Variants in ARHGAP42 observed in about 807,000 individuals in gnomAD.
The protein encoded by ARHGAP42 is Rho GTPase activating protein 42.
A neutral mutation model predicts 125.0 loss-of-function variants in ARHGAP42; 63 were observed. The ratio of observed to expected loss-of-function variants is 0.50; its 90% CI spans 0.41 to 0.62. ARHGAP42 has a LOEUF of 0.62. Ranked by LOEUF, ARHGAP42 falls within the 20% of genes least tolerant of loss-of-function variation. The probability of loss-of-function intolerance (pLI) is 0.00; values close to 1 mark genes in which losing one functional copy is unlikely to be tolerated. For missense variants in ARHGAP42, 766 were observed against 1,024.2 expected, an observed-to-expected ratio of 0.75 and a Z score of 3.44; for synonymous variants, 339 against 351.0, an observed-to-expected ratio of 0.97 and a Z score of 0.38.
At chr11:100,841,055 G>T (rs1320625307) in intron 3 of ARHGAP42, among the ~76,000 whole-genome samples, 1 of 152,088 alleles carries the variant, frequency 6.6e-6, no homozygotes, top group Non-Finnish European at 1.5e-5. Context: ...CATTTGATAG[G>T]TGTGCCATGA....
chr11:100,696,260 G>C (rs1667585871), intron 1 of ARHGAP42, among the ~76,000 whole-genome samples: 1 of 152,104 alleles, frequency 6.6e-6, no homozygotes. Context: ...GTAACACTTT[G>C]TAGATTATTT....
At chr11:100,825,634 T>A (rs1291625572) in intron 3 of ARHGAP42, among the ~76,000 whole-genome samples, 2 of 152,174 alleles carry the variant, frequency 1.3e-5, no homozygotes, top group East Asian at 3.9e-4. Flanking sequence ...GTTGGCTGTA[T>A]GTGCAGTTTT....
At chr11:100,900,858 C>T (rs577253025) in intron 4 of ARHGAP42, among the ~76,000 whole-genome samples, 4 of 152,082 alleles carry the variant, frequency 2.6e-5, no homozygotes, top group Non-Finnish European at 4.4e-5. Flanking sequence ...CAGAGAAGTT[C>T]GTTATTACCG....
At chr11:100,725,958 C>T (rs1330973346) in intron 1 of ARHGAP42, among the ~76,000 whole-genome samples, 1 of 138,450 alleles carries the variant, frequency 7.2e-6, no homozygotes, top group East Asian at 2.2e-4. Flanking sequence ...AAAAGCCAGG[C>T]ATGGTGGTGC....
intron 5 of ARHGAP42, among the ~76,000 whole-genome samples, chr11:100,914,229 C>A (rs900788619): frequency 1.3e-5 from 2 of 152,050 alleles, no homozygotes; most frequent in Non-Finnish European, 2.9e-5. Flanking sequence ...ACCACTGTGC[C>A]CCACCGCTAC....
At chr11:100,811,142 G>A (rs1208947382) in intron 3 of ARHGAP42, among the ~76,000 whole-genome samples, 1 of 152,132 alleles carries the variant, frequency 6.6e-6, no homozygotes, top group Non-Finnish European at 1.5e-5. Context: ...TTTAAGTAGA[G>A]ATGGGGTTTG....
intron 4 of ARHGAP42, among the ~76,000 whole-genome samples, chr11:100,865,725 T>C (rs1396565722): frequency 6.6e-6 from 1 of 152,232 alleles, no homozygotes; most frequent in Non-Finnish European, 1.5e-5. Context: ...AATAGTGTTA[T>C]GTCAACAAAT....
intron 7 of ARHGAP42, among the ~76,000 whole-genome samples, chr11:100,935,170 G>A (rs1867699495): frequency 6.6e-6 from 1 of 151,758 alleles, no homozygotes; most frequent in Admixed American, 6.6e-5. Context: ...AAACTCCTTA[G>A]ATTTAGGTGG....
intron 4 of ARHGAP42, among the ~76,000 whole-genome samples, chr11:100,908,785 A>G (rs371612507): frequency 1.3e-5 from 2 of 152,298 alleles, no homozygotes; most frequent in East Asian, 3.9e-4. Flanking sequence ...GCTAGGTAAA[A>G]CGGTAGCTCT....
intron 4 of ARHGAP42, among the ~76,000 whole-genome samples, chr11:100,888,016 C>G (rs902052428): frequency 6.6e-6 from 1 of 152,156 alleles, no homozygotes; most frequent in Non-Finnish European, 1.5e-5. Context: ...TAAGAATGCT[C>G]TTTGTTACCT....
intron 4 of ARHGAP42, among the ~76,000 whole-genome samples, chr11:100,862,935 G>A (rs1360649817): frequency 6.6e-6 from 1 of 151,604 alleles, no homozygotes; most frequent in Non-Finnish European, 1.5e-5. Context: ...TACTCGGGAG[G>A]CTGAGGCAGG....
chr11:100,876,112 A>T (rs941327645), intron 4 of ARHGAP42, among the ~76,000 whole-genome samples: 1 of 152,210 alleles, frequency 6.6e-6, no homozygotes, highest in South Asian at 2.1e-4. Flanking sequence ...TGGTAGCACA[A>T]ACTTAATAAC....
intron 18 of ARHGAP42, among the ~76,000 whole-genome samples, chr11:100,973,852 A>T (rs80317839): frequency 0.022 from 3,323 of 152,306 alleles, 50 homozygotes; most frequent in Non-Finnish European, 0.036. Context: ...AGGTCTAACA[A>T]TTTGTAATCC....
intron 3 of ARHGAP42, among the ~76,000 whole-genome samples, chr11:100,825,166 T>A (rs1864485622): frequency 6.6e-6 from 1 of 152,212 alleles, no homozygotes; most frequent in South Asian, 2.1e-4. Context: ...CTTAATCAAC[T>A]GGCATAGACT....
intron 4 of ARHGAP42, among the ~76,000 whole-genome samples, chr11:100,879,538 C>A (rs1296527346): frequency 1.3e-5 from 2 of 152,196 alleles, no homozygotes; most frequent in Non-Finnish European, 2.9e-5. Flanking sequence ...TCATCAGTGT[C>A]ACTGTGGGTT....
At chr11:100,770,614 G>A (rs1165375201) in intron 2 of ARHGAP42, among the ~76,000 whole-genome samples, 176 bp downstream of exon 2, 1 of 152,186 alleles carries the variant, frequency 6.6e-6, no homozygotes, top group Admixed American at 6.5e-5. Flanking sequence ...GTCTCTCTCT[G>A]TCACCCAGGC....
In ARHGAP42 at chr11:100,835,872, T is replaced by A. The variant is rs140358705; in HGVS notation, c.313-23682T>A. Among the ~76,000 whole-genome samples the A allele has an allele frequency of 3.2e-4, 49 of 152,244 alleles. 1 individual carries two copies. Among genetic ancestry groups the A allele is most frequent in the Admixed American group, 4.6e-4 (7 of 15,284 alleles). On this transcript the variant is annotated intron_variant, in intron 3 of 23. Coordinates refer to ENST00000298815, the MANE Select transcript of ARHGAP42 (RefSeq NM_152432.4). ...TATTTGCCAGGAATAAATCTGACTT[T>A]GAATTTCACCAGTGTGTTTGAATAT... is the stretch of plus-strand genomic sequence containing the variant.
chr11:100,894,143 C>T (rs992278339), intron 4 of ARHGAP42, among the ~76,000 whole-genome samples: 1 of 152,162 alleles, frequency 6.6e-6, no homozygotes, highest in Non-Finnish European at 1.5e-5. Flanking sequence ...GTCAGCTATA[C>T]TTCTACATTT....
chr11:100,713,116 G>A (rs1454293246), intron 1 of ARHGAP42, among the ~76,000 whole-genome samples: 1 of 152,192 alleles, frequency 6.6e-6, no homozygotes, highest in Non-Finnish European at 1.5e-5. Flanking sequence ...AACCATAAGT[G>A]TTCTCCTGGA....
Sources: allele counts gnomAD v4.1 joint callset (sites outside exome capture counted in the v4.1 genomes callset), GRCh38; gene constraint gnomAD v4.1.1; transcripts MANE v1.5; gene names NCBI Gene and HGNC (gene_info 2026-07-23, HGNC 2026-07-21).